The following VCAN variants were observed in gnomAD, a reference collection of about 807,000 sequenced individuals.
VCAN encodes the protein versican core protein.
VCAN carries 44 observed loss-of-function variants against 245.5 expected under a neutral mutation model. The observed-to-expected ratio is 0.18, with a 90% confidence interval of 0.14 to 0.23. The LOEUF (loss-of-function observed/expected upper bound fraction) is 0.23, where lower values mean the gene tolerates loss of function less well. VCAN is among the 10% of genes least tolerant of loss of function. VCAN has a pLI of 1.00. For synonymous variants in VCAN, 1,413 were observed against 1,437.0 expected, an observed-to-expected ratio of 0.98 and a Z score of 0.38; for missense variants, 3,793 against 4,057.9, an observed-to-expected ratio of 0.93 and a Z score of 1.77.
chr5:83,531,086 T>C (rs1455181689), intron 7 of VCAN, among the ~76,000 whole-genome samples: 1 of 152,068 alleles, frequency 6.6e-6, no homozygotes, highest in Non-Finnish European at 1.5e-5. Flanking sequence ...CTAGAATGAT[T>C]GGGTAATGTA....
In VCAN at chr5:83,519,395, A is replaced by G. The variant is rs1488978673; in HGVS notation, c.1089A>G (p.Ala363=). ...TIDLSILAET[A]SPSLSKEPQM... The stretch of plus-strand genomic sequence containing the variant: ...ATTTGAGTATCCTCGCAGAAACTGC[A>G]TCACCCAGTTTATCCAAAGAACCAC... The change falls in exon 7 of 15, where the codon GCA becomes GCG. Residue 363 remains alanine (A), a synonymous_variant. Transcript: ENST00000265077. 1 of 1,614,124 alleles carries G rather than the reference A, an allele frequency of 6.2e-7. No individual in the cohort carries two copies. The highest frequency in any genetic ancestry group is 8.5e-7 in the Non-Finnish European group (1 of 1,179,940).
chr5:83,580,452 A>T lies in VCAN; in HGVS notation c.*18A>T, dbSNP rs187567161. Reference sequence around the variant, plus strand: ...GGCGCTGATCCCTAAAATGGCGAACATGTGTTTTCATCATTTCAGCCAAAG... The same window carrying T: ...GGCGCTGATCCCTAAAATGGCGAACTTGTGTTTTCATCATTTCAGCCAAAG... On this transcript the variant is annotated 3_prime_UTR_variant, in exon 15 of 15. Transcript: ENST00000265077. 8 of 1,613,424 alleles carry T rather than the reference A, an allele frequency of 5.0e-6. No homozygotes were observed. The highest frequency in any genetic ancestry group is 1.3e-5 in the African/African-American group (1 of 75,016).
At position 83,555,125 on chromosome 5, in the gene VCAN, G is replaced by A. The variant is rs933280605; in HGVS notation, c.9735+87G>A. 41 of 1,384,258 alleles carry A rather than the reference G, an allele frequency of 3.0e-5. 3 individuals carry two copies. In the South Asian group the frequency reaches 4.4e-4, roughly 15 times the overall value. The allele number at this position is 1,384,258 out of a possible 1,614,324, so 85.7% of individuals were successfully genotyped here. On this transcript the variant is annotated intron_variant, in intron 12 of 14. Coordinates refer to ENST00000265077, the MANE Select transcript of VCAN (RefSeq NM_004385.5). ...ATTGTGCATTACAGAGGGTGCATTA[G>A]ACTGGAGGCAAGTTAAATGACTTGC...
At chr5:83,548,548 TC>T (rs1747327903) in intron 10 of VCAN, among the ~76,000 whole-genome samples, 3 of 152,194 alleles carry the variant, frequency 2.0e-5, no homozygotes, top group Admixed American at 2.0e-4. Context: ...ATATTGTGAA[TC>T]TGCTCACCAG....
At chr5:83,568,142 T>A (rs1580075586) in intron 12 of VCAN, among the ~76,000 whole-genome samples, 1 of 152,166 alleles carries the variant, frequency 6.6e-6, no homozygotes, top group African/African-American at 2.4e-5. Context: ...AATTTTTTTT[T>A]TATATTTTCT....
intron 12 of VCAN, among the ~76,000 whole-genome samples, chr5:83,557,220 C>T (rs1039239438): frequency 6.6e-6 from 1 of 152,054 alleles, no homozygotes; most frequent in Admixed American, 6.6e-5. Flanking sequence ...CTGACTGAAC[C>T]AAGTCCCATC....
intron 9 of VCAN, 115 bp from the exon 10 acceptor site, chr5:83,547,852 TAAAA>T: frequency 1.3e-6 from 1 of 778,226 alleles, no homozygotes; most frequent in South Asian, 1.5e-5. Flanking sequence ...ATACTTTTTT[TAAAA>T]TCTGAAATTC....
chr5:83,534,133 A>G (rs913423101), intron 7 of VCAN: 1 of 151,724 alleles, frequency 6.6e-6, no homozygotes, highest in Non-Finnish European at 1.5e-5. Context: ...TCTCCACCCC[A>G]CTTTTTTTAG....
chr5:83,525,744 T>C (rs1484308848), intron 7 of VCAN, among the ~76,000 whole-genome samples: 1 of 152,140 alleles, frequency 6.6e-6, no homozygotes, highest in Non-Finnish European at 1.5e-5. Flanking sequence ...AATTAAATGA[T>C]AGAAAGATTA....
rs1432062000 is a variant in VCAN, at chr5:83,513,101, T to A, written c.1042+705T>A. 2.6e-5 allele frequency among the ~76,000 whole-genome samples: 4 copies of A among 152,322 alleles called. No individual in the cohort carries two copies. The East Asian group carries it at 7.7e-4, about 29-fold the overall frequency. ...GATATAATTATTTTAATTTTCCAGA[T>A]GTCCTCAAGTAATTTTAGCAGTAGT... On this transcript the variant is annotated intron_variant, in intron 6 of 14. Transcript: ENST00000265077.
At position 83,539,584 on chromosome 5, in the gene VCAN, C is replaced by T. The variant is rs747561816; in HGVS notation, c.6581C>T (p.Thr2194Ile). The T allele has an allele frequency of 2.5e-6, 4 of 1,613,922 alleles. No individual in the cohort carries two copies. The highest frequency in any genetic ancestry group is 1.3e-5 in the African/African-American group (1 of 74,924). ...DPDANGLESY[T>I]TLPEATEKSH... is the part of the protein sequence containing the mutation. ...GATGCAAATGGCTTGGAATCTTACA[C>T]AACTCTCCCTGAAGCTACTGAAAAG... The change falls in exon 8 of 15, where the codon ACA (threonine) becomes ATA (isoleucine). Residue 2194 changes from threonine (T) to isoleucine (I), a missense_variant. By Grantham distance (89) the Thr-to-Ile change is moderately conservative. Coordinates refer to ENST00000265077, the MANE Select transcript of VCAN (RefSeq NM_004385.5).
At chr5:83,514,448 G>A (rs1745777226) in intron 6 of VCAN, among the ~76,000 whole-genome samples, 1 of 150,244 alleles carries the variant, frequency 6.7e-6, no homozygotes, top group South Asian at 2.1e-4. Flanking sequence ...GTGTGTGTGT[G>A]TGTATTTTTT....
At chr5:83,498,555 T>C (rs923904990) in intron 5 of VCAN, among the ~76,000 whole-genome samples, 6 of 152,212 alleles carry the variant, frequency 3.9e-5, no homozygotes, top group Non-Finnish European at 5.9e-5. Flanking sequence ...GCTTTAATTT[T>C]CTTATTAGTT....
intron 12 of VCAN, among the ~76,000 whole-genome samples, chr5:83,567,196 G>T (rs1367361531): frequency 6.6e-6 from 1 of 151,902 alleles, no homozygotes; most frequent in African/African-American, 2.4e-5. Flanking sequence ...ATATTATCCA[G>T]CATTAAGCAG....
chr5:83,508,549 G>A (rs767103355), intron 5 of VCAN, among the ~76,000 whole-genome samples: 1 of 152,150 alleles, frequency 6.6e-6, no homozygotes, highest in Non-Finnish European at 1.5e-5. Flanking sequence ...GGTGAGCAAG[G>A]AAATGTTCAC....
intron 8 of VCAN, among the ~76,000 whole-genome samples, chr5:83,543,340 A>C (rs1747076648): frequency 6.6e-6 from 1 of 152,222 alleles, no homozygotes; most frequent in Admixed American, 6.5e-5. Flanking sequence ...CTGCAAAAAG[A>C]GGAAGAAAAA....
rs564932157 is a variant in VCAN, at chr5:83,570,180, G to A, written c.9736-2236G>A. Among the ~76,000 whole-genome samples, 3 of 151,864 alleles carry A rather than the reference G, an allele frequency of 2.0e-5. No homozygotes were observed. In the South Asian group the frequency reaches 6.3e-4, roughly 32 times the overall value. On this transcript the variant is annotated intron_variant, in intron 12 of 14. Coordinates refer to ENST00000265077, the MANE Select transcript of VCAN (RefSeq NM_004385.5). ...GGCCATTTGGAGAGTAACACAGTGG[G>A]GCCATTTAGGCTACGAGTTGGATTT...
At chr5:83,528,462 GC>G (rs1323326744) in intron 7 of VCAN, among the ~76,000 whole-genome samples, 2 of 151,918 alleles carry the variant, frequency 1.3e-5, no homozygotes, top group African/African-American at 4.8e-5. Flanking sequence ...GTTTGACATG[GC>G]CTGCTTCAGA....
At chr5:83,578,188 G>A (rs1328807524) in intron 13 of VCAN, among the ~76,000 whole-genome samples, 1 of 152,094 alleles carries the variant, frequency 6.6e-6, no homozygotes, top group Non-Finnish European at 1.5e-5. Flanking sequence ...GCAGGAACAT[G>A]GATGGAGCTG....
Sources: allele counts gnomAD v4.1 joint callset (sites outside exome capture counted in the v4.1 genomes callset), GRCh38; gene constraint gnomAD v4.1.1; transcripts MANE v1.5; gene names NCBI Gene and HGNC (gene_info 2026-07-23, HGNC 2026-07-21).